Variants in MICOS13 observed in about 807,000 individuals in gnomAD.
MICOS13 encodes mitochondrial contact site and cristae organizing system subunit 13, also known as MICOS complex subunit MIC13.
In MICOS13, 15 loss-of-function variants were observed where a neutral mutation model predicts 16.1. The observed-to-expected ratio is 0.93, with a 90% CI of 0.62 to 1.44. The LOEUF (loss-of-function observed/expected upper bound fraction) is 1.44. MICOS13 is among the 40% of genes most tolerant of loss of function. The pLI, the probability that MICOS13 is intolerant of heterozygous loss-of-function variation, is 0.00. For missense variants in MICOS13, 164 were observed against 155.0 expected (o/e 1.06, Z -0.31); for synonymous variants, 61 against 62.6 (o/e 0.97, Z 0.12).
At chr19:5,679,915 T>G in intron 1 of MICOS13, 152 bp from the exon 2 acceptor site, 4 of 1,339,170 alleles carry the variant, frequency 3.0e-6, no homozygotes, top group Non-Finnish European at 4.0e-6. Flanking sequence ...AGACCCCTAT[T>G]ATATACAGCA....
intron 3 of MICOS13, 84 bp from the exon 4 acceptor site, chr19:5,678,732 T>TGG: frequency 8.7e-6 from 5 of 573,742 alleles, no homozygotes; most frequent in East Asian, 9.1e-5. Context: ...AGAGTTTGTT[T>TGG]TGGGCGGTGG....
chr19:5,680,381 G>T (rs182184211), intron 1 of MICOS13, 77 bp downstream of exon 1: 1 of 1,605,902 alleles, frequency 6.2e-7, no homozygotes, highest in Non-Finnish European at 8.5e-7. Context: ...AGCAGATCGG[G>T]ACCAGACTGG....
intron 2 of MICOS13, 28 bp from the exon 3 acceptor site, chr19:5,679,424 C>A: frequency 6.2e-7 from 1 of 1,611,764 alleles, no homozygotes; most frequent in Non-Finnish European, 8.5e-7. Flanking sequence ...GCAGAAAGAA[C>A]TGGTGAAAAG....
At position 5,679,401 on chromosome 19, in the gene MICOS13, G is replaced by C; in HGVS notation, c.208-5C>G. ...AATCTTTGGAGGGGCTGGGAGCTGG[G>C]AAAAAGAGATGGGCAGAAAGAACTG... On this transcript the variant is annotated splice_region_variant and splice_polypyrimidine_tract_variant and intron_variant, in intron 2 of 3. Transcript: ENST00000309324. 1 of 1,613,170 alleles carries C rather than the reference G, an allele frequency of 6.2e-7. No individual in the cohort carries two copies. The highest frequency in any genetic ancestry group is 1.1e-5 in the South Asian group (1 of 91,018).
At chr19:5,678,823 C>G (rs2054478710) in intron 3 of MICOS13, 175 bp from the exon 4 acceptor site, 1 of 554,590 alleles carries the variant, frequency 1.8e-6, no homozygotes, top group African/African-American at 2.0e-5. Flanking sequence ...CTCACTGCAA[C>G]CTTCGCCTCC....
At chr19:5,678,681 C>G in intron 3 of MICOS13, 33 bp from the exon 4 acceptor site, 2 of 1,468,142 alleles carry the variant, frequency 1.4e-6, no homozygotes, top group Non-Finnish European at 1.8e-6. Context: ...GGTGATACTC[C>G]CCTCCCAGCC....
intron 3 of MICOS13, 143 bp from the exon 4 acceptor site, chr19:5,678,791 G>GAGTGCAGT (rs2054477916): frequency 3.2e-6 from 2 of 621,228 alleles, no homozygotes; most frequent in South Asian, 4.1e-5. Flanking sequence ...TCCCAGGCTG[G>GAGTGCAGT]AGTGCAGTAG....
At chr19:5,680,249 C>A in intron 1 of MICOS13, 1 of 1,566,134 alleles carries the variant, frequency 6.4e-7, no homozygotes, top group South Asian at 1.1e-5. Flanking sequence ...GCCAAGGGCT[C>A]GCTGGGAAGC....
At chr19:5,680,044 A>G in intron 1 of MICOS13, 1 of 1,518,008 alleles carries the variant, frequency 6.6e-7, no homozygotes. Flanking sequence ...GTGAAGACGT[A>G]AGATCTTGAC....
chr19:5,679,340 C>T lies in MICOS13; in HGVS notation c.259+5G>A. The T allele has an allele frequency of 3.7e-6, 6 of 1,612,934 alleles. No homozygotes were observed. Among genetic ancestry groups the T allele is most frequent in the Non-Finnish European group, 4.2e-6 (5 of 1,179,418 alleles). On this transcript the variant is annotated splice_donor_5th_base_variant and intron_variant, in intron 3 of 3. Coordinates refer to ENST00000309324, the MANE Select transcript of MICOS13 (RefSeq NM_205767.3). The stretch of plus-strand genomic sequence containing the variant: ...CCCTCCAAGCAAAGAAACTGGGTGC[C>T]TTACCTGCATTCCAGGAGTCACGGA...
Position 5,679,401 on chromosome 19 carries a change from GAA to G in MICOS13, c.208-7_208-6del, listed in dbSNP as rs532140719. ...AATCTTTGGAGGGGCTGGGAGCTGG[GAA>G]AAAGAGATGGGCAGAAAGAACTGGT... On this transcript the variant is annotated splice_region_variant and splice_polypyrimidine_tract_variant and intron_variant, in intron 2 of 3. Coordinates refer to ENST00000309324, the MANE Select transcript of MICOS13 (RefSeq NM_205767.3). The G allele has an allele frequency of 1.9e-4, 307 of 1,613,168 alleles. No homozygotes were observed. In the African/African-American group the frequency reaches 3.9e-3, roughly 20 times the overall value.
chr19:5,680,100 G>C, intron 1 of MICOS13: 2 of 1,535,418 alleles, frequency 1.3e-6, no homozygotes, highest in Non-Finnish European at 1.7e-6. Flanking sequence ...GTCCCTGGGC[G>C]CCTCCTGCCC....
intron 3 of MICOS13, 100 bp from the exon 4 acceptor site, chr19:5,678,748 GGGT>G: frequency 3.2e-6 from 2 of 634,898 alleles, no homozygotes; most frequent in South Asian, 2.0e-5. Context: ...GGTGGGGGGT[GGGT>G]GGGGGGCGGG....
intron 2 of MICOS13, 82 bp from the exon 3 acceptor site, chr19:5,679,478 G>A (rs980983381): frequency 2.1e-5 from 33 of 1,591,634 alleles, no homozygotes; most frequent in African/African-American, 6.7e-5. Context: ...AGGACAGGCC[G>A]GAGAATCAGG....
At chr19:5,680,241 C>A in intron 1 of MICOS13, 1 of 1,558,926 alleles carries the variant, frequency 6.4e-7, no homozygotes, top group Non-Finnish European at 8.6e-7. Flanking sequence ...AACTGAACGC[C>A]AAGGGCTCGC....
At chr19:5,678,819 G>A (rs923497178) in intron 3 of MICOS13, 171 bp from the exon 4 acceptor site, 1 of 561,848 alleles carries the variant, frequency 1.8e-6, no homozygotes, top group Admixed American at 3.6e-5. Flanking sequence ...TCGGCTCACT[G>A]CAACCTTCGC....
chr19:5,680,440 T>G lies in MICOS13; in HGVS notation c.29+18A>C, dbSNP rs560533245. 13 of 1,613,034 alleles carry G rather than the reference T, an allele frequency of 8.1e-6. No homozygotes were observed. In the African/African-American group the frequency reaches 1.3e-4, roughly 17 times the overall value. On this transcript the variant is annotated intron_variant, in intron 1 of 3. Coordinates refer to ENST00000309324, the MANE Select transcript of MICOS13 (RefSeq NM_205767.3). ...GACTTTTTCGGGGACTCGGGTCCCC[T>G]CCGGCGCCCCCACGCACCTCATCAG...
chr19:5,678,901 G>A (rs1157606227), intron 3 of MICOS13: 2 of 439,318 alleles, frequency 4.6e-6, no homozygotes, highest in Non-Finnish European at 8.1e-6. Flanking sequence ...CACCATACCA[G>A]GCTAATTTTT....
chr19:5,680,454 G>T lies in MICOS13; in HGVS notation c.29+4C>A. On this transcript the variant is annotated splice_donor_region_variant and intron_variant, in intron 1 of 3. Transcript: ENST00000309324. ...CTCGGGTCCCCTCCGGCGCCCCCAC[G>T]CACCTCATCAGCGACCACACCCGGG... The T allele has an allele frequency of 4.3e-6, 7 of 1,612,826 alleles. No individual in the cohort carries two copies. The highest frequency in any genetic ancestry group is 5.9e-6 in the Non-Finnish European group (7 of 1,179,816).
Sources: allele counts gnomAD v4.1 joint callset, GRCh38; gene constraint gnomAD v4.1.1; transcripts MANE v1.5; gene names NCBI Gene and HGNC (gene_info 2026-07-23, HGNC 2026-07-21).